PLCL2: variants seen among roughly 807,000 people sequenced by gnomAD.
PLCL2 encodes the protein inactive phospholipase C-like protein 2.
PLCL2 carries 4 observed loss-of-function variants against 79.6 expected under a neutral mutation model. The observed-to-expected ratio is 0.05, with a 90% CI of 0.02 to 0.11. The LOEUF is 0.11. Among genes scored for constraint, PLCL2 ranks in the 10% least tolerant of loss-of-function variants. PLCL2 has a pLI of 1.00. For synonymous variants in PLCL2, 484 were observed against 457.7 expected (o/e 1.06, Z -0.73); for missense variants, 895 against 1,291.0 (o/e 0.69, Z 4.70).
intron 1 of PLCL2, among the ~76,000 whole-genome samples, chr3:16,966,549 G>C (rs1476926811): frequency 6.6e-6 from 1 of 152,082 alleles, no homozygotes; most frequent in African/African-American, 2.4e-5. Flanking sequence ...AGTTAGGGAG[G>C]ATACCTTCTT....
intron 1 of PLCL2, among the ~76,000 whole-genome samples, chr3:16,930,522 G>C (rs548324207): frequency 6.6e-6 from 1 of 152,318 alleles, no homozygotes; most frequent in Non-Finnish European, 1.5e-5. Flanking sequence ...AAATGAAAGA[G>C]TTGTAGTGTA....
chr3:17,076,008 A>G (rs1170651360), intron 5 of PLCL2, among the ~76,000 whole-genome samples: 1 of 152,214 alleles, frequency 6.6e-6, no homozygotes, highest in East Asian at 1.9e-4. Context: ...TTGTATGGAC[A>G]TGCTTTTATT....
intron 1 of PLCL2, among the ~76,000 whole-genome samples, chr3:16,917,640 T>C (rs1331281739): frequency 1.3e-5 from 2 of 152,166 alleles, no homozygotes; most frequent in African/African-American, 4.8e-5. Context: ...TCTCCACTCA[T>C]GATAGTTCCA....
rs577231296 is a variant in PLCL2 at position 16,989,636 on chromosome 3, G to A, written c.328-20038G>A. On this transcript the variant is annotated intron_variant, in intron 1 of 5. Coordinates refer to ENST00000615277, the MANE Select transcript of PLCL2 (RefSeq NM_001144382.2). The stretch of plus-strand genomic sequence containing the variant: ...GAAAATTTTCAATTACATATGTGGC[G>A]CTCATACATTTTTGGACACCATTGA... Among the ~76,000 whole-genome samples, 40 of 151,476 alleles carry A rather than the reference G, an allele frequency of 2.6e-4. 1 individual carries two copies. Among genetic ancestry groups the A allele is most frequent in the Admixed American group, 2.4e-3 (37 of 15,150 alleles).
At chr3:16,961,351 A>T (rs897990670) in intron 1 of PLCL2, among the ~76,000 whole-genome samples, 1 of 152,212 alleles carries the variant, frequency 6.6e-6, no homozygotes, top group African/African-American at 2.4e-5. Context: ...GTGTCAGGCC[A>T]TGCTAGGCAA....
intron 5 of PLCL2, among the ~76,000 whole-genome samples, chr3:17,079,062 A>G (rs2065136500): frequency 1.3e-5 from 2 of 152,296 alleles, no homozygotes; most frequent in African/African-American, 4.8e-5. Flanking sequence ...TACTCAGCTA[A>G]TGTTTGACTG....
Position 16,885,057 on chromosome 3 carries a change from G to A in PLCL2, c.18G>A (p.Arg6=), listed in dbSNP as rs1284840111. Residue 6 remains arginine, a synonymous_variant, in exon 1 of 6, where the codon CGG becomes CGA. Transcript: ENST00000615277. ...GGGCGCCCATGGCGGAGTGCGGCCG[G>A]GGGGGCGCCGCCGGCGGGGCCCTGC... MAECG[R]GGAAGGALPT... 1 of 371,544 alleles carries A rather than the reference G, an allele frequency of 2.7e-6. No homozygotes were observed. The highest frequency in any genetic ancestry group is 4.8e-6 in the Non-Finnish European group (1 of 209,176). The allele number at this position is 371,544 out of a possible 1,614,324, so 23.0% of individuals were successfully genotyped here. A position where few individuals can be genotyped will look rare whatever the true frequency, so the allele number is the denominator to read the frequency against.
chr3:16,982,428 A>G (rs2064009162), intron 1 of PLCL2, among the ~76,000 whole-genome samples: 1 of 151,978 alleles, frequency 6.6e-6, no homozygotes, highest in Non-Finnish European at 1.5e-5. Flanking sequence ...GGTGGAGGAG[A>G]TGGTATCTGT....
intron 4 of PLCL2, among the ~76,000 whole-genome samples, chr3:17,053,632 G>A (rs946311866): frequency 6.6e-6 from 1 of 152,176 alleles, no homozygotes; most frequent in African/African-American, 2.4e-5. Flanking sequence ...AACAAGGCAA[G>A]TCCCTTCCAC....
intron 1 of PLCL2, among the ~76,000 whole-genome samples, chr3:16,899,376 T>C (rs952022397): frequency 2.0e-5 from 3 of 152,210 alleles, no homozygotes; most frequent in Non-Finnish European, 4.4e-5. Context: ...ATTGGGGTCA[T>C]GTTTGAAAAC....
chr3:16,933,949 C>A lies in PLCL2; in HGVS notation c.327+48583C>A, dbSNP rs557434565. ...GGGCATGATGGTGGGTGCCTGTAAT[C>A]CCAGCTACTCAGGAGGCGGAGGCAG... On this transcript the variant is annotated intron_variant, in intron 1 of 5. Transcript: ENST00000615277. Among the ~76,000 whole-genome samples the A allele has an allele frequency of 3.3e-5, 5 of 152,188 alleles. No homozygotes were observed. The South Asian group carries it at 1.0e-3, about 32-fold the overall frequency.
chr3:16,963,281 A>G (rs999775592), intron 1 of PLCL2, among the ~76,000 whole-genome samples: 1 of 151,820 alleles, frequency 6.6e-6, no homozygotes, highest in Non-Finnish European at 1.5e-5. Flanking sequence ...ACACATCTAC[A>G]TATATATATA....
At chr3:16,937,642 C>T (rs900108503) in intron 1 of PLCL2, among the ~76,000 whole-genome samples, 5 of 152,226 alleles carry the variant, frequency 3.3e-5, no homozygotes, top group East Asian at 1.9e-4. Flanking sequence ...TGTGGAAAAT[C>T]TGGAAAATCA....
At chr3:17,056,483 T>C (rs2064893684) in intron 4 of PLCL2, among the ~76,000 whole-genome samples, 1 of 152,098 alleles carries the variant, frequency 6.6e-6, no homozygotes. Flanking sequence ...TACAAATAAT[T>C]GAATAAAAGT....
At chr3:17,089,093 T>A (rs2065249024) in intron 5 of PLCL2, among the ~76,000 whole-genome samples, 1 of 152,004 alleles carries the variant, frequency 6.6e-6, no homozygotes, top group South Asian at 2.1e-4. Context: ...GATTAGTGGT[T>A]GCCAGGGTTT....
rs1453171745 is a variant in PLCL2, at chr3:17,009,791, C to T, written c.445C>T (p.Leu149Phe). 6.2e-7 allele frequency: 1 copy of T among 1,613,694 alleles called. No individual in the cohort carries two copies. Among genetic ancestry groups the T allele is most frequent in the East Asian group, 2.2e-5 (1 of 44,854 alleles). ...TAATTCAATGGTTGAGGGTTCAGAA[C>T]TCAAAAAGGTTCGCTCCAACTCTAG... The part of the protein sequence containing the change: ...CINSMVEGSE[L>F]KKVRSNSRIY... Residue 149 changes from leucine to phenylalanine, a missense_variant, in exon 2 of 6, where the codon CTC becomes TTC. Physicochemically the swap from Leu to Phe is conservative, Grantham distance 22. This residue lies in a region of PLCL2 where 129 missense variants were observed against 208.8 expected (regional missense o/e 0.62). Transcript: ENST00000615277. This position sits in a 1 kb window ranked among gnomAD's most constrained non-coding sequence, Gnocchi z 4.0.
chr3:17,037,724 A>C (rs1002317615), intron 3 of PLCL2, among the ~76,000 whole-genome samples: 3 of 152,204 alleles, frequency 2.0e-5, no homozygotes, highest in Admixed American at 6.5e-5. Context: ...ATTATTGACA[A>C]ACTACTTTTA....
intron 3 of PLCL2, among the ~76,000 whole-genome samples, chr3:17,021,253 C>T (rs58372454): frequency 0.028 from 4,324 of 152,182 alleles, 222 homozygotes; most frequent in African/African-American, 0.1. Context: ...GTTGTTTAAT[C>T]TGATGACTGG....
At chr3:17,049,188 A>T (rs559763135) in intron 4 of PLCL2, among the ~76,000 whole-genome samples, 187 of 151,904 alleles carry the variant, frequency 1.2e-3, no homozygotes, top group Non-Finnish European at 2.1e-3. Flanking sequence ...AATATGATTT[A>T]AAAAAAAGTG....
Sources: allele counts gnomAD v4.1 joint callset (sites outside exome capture counted in the v4.1 genomes callset), GRCh38; gene constraint gnomAD v4.1.1; regional missense constraint gnomAD v4.1.1; non-coding constraint Gnocchi (gnomAD v3.1); transcripts MANE v1.5; gene names NCBI Gene and HGNC (gene_info 2026-07-23, HGNC 2026-07-21).